ABL2: variants seen among roughly 807,000 people sequenced by gnomAD.
The protein encoded by ABL2 is ABL proto-oncogene 2, non-receptor tyrosine kinase.
A neutral mutation model predicts 107.7 loss-of-function variants in ABL2; 49 were observed. The observed-to-expected ratio is 0.45, with a 90% confidence interval of 0.36 to 0.58. The LOEUF (loss-of-function observed/expected upper bound fraction) is 0.58. ABL2 is among the 20% of genes least tolerant of loss of function. The probability of loss-of-function intolerance (pLI) is 0.00; values close to 1 mark genes in which losing one functional copy is unlikely to be tolerated. For synonymous variants in ABL2, 549 were observed against 548.6 expected (o/e 1.00, Z -0.01); for missense variants, 1,245 against 1,457.0 (o/e 0.85, Z 2.37).
intron 1 of ABL2, among the ~76,000 whole-genome samples, chr1:179,175,062 A>G (rs192288001): frequency 8.6e-4 from 130 of 152,034 alleles, no homozygotes; most frequent in Admixed American, 3.0e-3. Flanking sequence ...ATAGTATTTT[A>G]AAATACAGAC....
At chr1:179,213,655 T>C (rs1244140506) in intron 1 of ABL2, among the ~76,000 whole-genome samples, 1 of 152,200 alleles carries the variant, frequency 6.6e-6, no homozygotes, top group Non-Finnish European at 1.5e-5. Context: ...CCACAGTGGC[T>C]ACTAGCTGCC....
chr1:179,176,699 A>ATTTTTTTT (rs1553229037), intron 1 of ABL2, among the ~76,000 whole-genome samples: 1 of 25,276 alleles, frequency 4.0e-5, no homozygotes, highest in Admixed American at 4.9e-4. Context: ...GTTGTTACAT[A>ATTTTTTTT]TTCTTTTTTT....
chr1:179,112,817 C>T (rs1053673064), intron 9 of ABL2, among the ~76,000 whole-genome samples: 2 of 151,436 alleles, frequency 1.3e-5, no homozygotes, highest in Non-Finnish European at 2.9e-5. Flanking sequence ...TGCAGTGGCG[C>T]GATCTCGGTT....
intron 1 of ABL2, among the ~76,000 whole-genome samples, chr1:179,174,148 C>CGTG (rs1659888530): frequency 6.6e-6 from 1 of 151,968 alleles, no homozygotes; most frequent in Non-Finnish European, 1.5e-5. Flanking sequence ...AGTAGCTGGG[C>CGTG]GTGGTGGTGT....
chr1:179,141,382 G>A (rs1657576577), intron 1 of ABL2, among the ~76,000 whole-genome samples: 1 of 152,038 alleles, frequency 6.6e-6, no homozygotes, highest in Admixed American at 6.5e-5. Context: ...TTATAATAAG[G>A]GGAAACTCTG....
intron 1 of ABL2, among the ~76,000 whole-genome samples, chr1:179,190,416 G>C (rs1164331146): frequency 6.6e-6 from 1 of 152,160 alleles, no homozygotes; most frequent in Non-Finnish European, 1.5e-5. Context: ...TGGGAGAAGA[G>C]GGGCTGAGCA....
At chr1:179,129,841 G>A (rs1656115357) in intron 3 of ABL2, among the ~76,000 whole-genome samples, 1 of 152,148 alleles carries the variant, frequency 6.6e-6, no homozygotes. Flanking sequence ...GACACTAGGA[G>A]ATGATGCACT....
chr1:179,222,349 C>T (rs1384636857), intron 1 of ABL2, among the ~76,000 whole-genome samples: 1 of 152,132 alleles, frequency 6.6e-6, no homozygotes, highest in East Asian at 1.9e-4. Flanking sequence ...ACAGCCTCAG[C>T]CTCCTGAGTA....
At position 179,163,742 on chromosome 1, in the gene ABL2, G is replaced by A. The variant is rs544604751; in HGVS notation, c.158-30368C>T. Among the ~76,000 whole-genome samples, 7 of 152,012 alleles carry A rather than the reference G, an allele frequency of 4.6e-5. No individual in the cohort carries two copies. In the South Asian group the frequency reaches 8.3e-4, roughly 18 times the overall value. ...AGTCTGGATGACAGAGTGAGACTCC[G>A]TCTCAAAAAAACAAAAAAAGAAAAG... is the stretch of plus-strand genomic sequence containing the variant. On this transcript the variant is annotated intron_variant, in intron 1 of 11. Transcript: ENST00000502732.
intron 1 of ABL2, among the ~76,000 whole-genome samples, chr1:179,152,531 G>C (rs1305642359): frequency 1.3e-5 from 2 of 152,136 alleles, no homozygotes; most frequent in South Asian, 2.1e-4. Context: ...CCTGATTAGA[G>C]AGATGACTGT....
At chr1:179,184,450 T>A in intron 1 of ABL2, 1 of 970,092 alleles carries the variant, frequency 1.0e-6, no homozygotes, top group South Asian at 1.4e-5. Flanking sequence ...TTTATCTGGT[T>A]TACTGACCAT....
intron 1 of ABL2, among the ~76,000 whole-genome samples, chr1:179,153,796 C>A (rs1658514978): frequency 6.6e-6 from 1 of 152,102 alleles, no homozygotes; most frequent in African/African-American, 2.4e-5. Flanking sequence ...TGTCACCAGC[C>A]CAGAACATTT....
intron 1 of ABL2, chr1:179,222,084 A>G (rs1388457402): frequency 5.4e-6 from 1 of 186,868 alleles, no homozygotes; most frequent in Non-Finnish European, 1.2e-5. Flanking sequence ...GGAGATGATC[A>G]CTTTTTAGCA....
intron 1 of ABL2, among the ~76,000 whole-genome samples, chr1:179,222,592 T>C (rs1351669628): frequency 2.6e-5 from 4 of 152,002 alleles, no homozygotes; most frequent in African/African-American, 9.7e-5. Flanking sequence ...GGTTTCACCA[T>C]GTTGGCCAGG....
At chr1:179,137,427 AAT>A (rs996726615) in intron 1 of ABL2, among the ~76,000 whole-genome samples, 2 of 151,588 alleles carry the variant, frequency 1.3e-5, no homozygotes, top group Non-Finnish European at 1.5e-5. Context: ...CACACTTATA[AAT>A]ATATATATAT....
At chr1:179,120,166 T>C in intron 6 of ABL2, 24 bp downstream of exon 6, 1 of 1,507,652 alleles carries the variant, frequency 6.6e-7, no homozygotes, top group Non-Finnish European at 9.0e-7. Flanking sequence ...GGAGGAAATC[T>C]ATGGTTCAGG....
chr1:179,193,399 TTTTG>T (rs200872815), intron 1 of ABL2, among the ~76,000 whole-genome samples: 2,208 of 152,144 alleles, frequency 0.015, 25 homozygotes, highest in Non-Finnish European at 0.023. Flanking sequence ...GGATTTAATT[TTTTG>T]TTTGTTTGTT....
chr1:179,139,457 C>T (rs1040182949), intron 1 of ABL2, among the ~76,000 whole-genome samples: 6 of 152,196 alleles, frequency 3.9e-5, no homozygotes, highest in African/African-American at 1.4e-4. Flanking sequence ...CTGTAGCACT[C>T]ACCGCGAGGG....
At chr1:179,188,403 G>A (rs950775537) in intron 1 of ABL2, among the ~76,000 whole-genome samples, 3 of 151,820 alleles carry the variant, frequency 2.0e-5, no homozygotes, top group East Asian at 1.9e-4. Context: ...AAAAAATAGC[G>A]GGACGTGGTG....
Sources: allele counts gnomAD v4.1 joint callset (sites outside exome capture counted in the v4.1 genomes callset), GRCh38; gene constraint gnomAD v4.1.1; transcripts MANE v1.5; gene names NCBI Gene and HGNC (gene_info 2026-07-23, HGNC 2026-07-21).